C22orf31: variants seen among roughly 807,000 people sequenced by gnomAD.
The protein encoded by C22orf31 is chromosome 22 open reading frame 31, also known as uncharacterized protein C22orf31.
A neutral mutation model predicts 15.0 loss-of-function variants in C22orf31; 11 were observed. That is an observed-to-expected ratio of 0.73 (90% confidence interval 0.46 to 1.21). The LOEUF (loss-of-function observed/expected upper bound fraction) is 1.21. C22orf31 is among the 50% of genes most tolerant of loss of function. The probability of loss-of-function intolerance (pLI) is 0.00; values close to 1 mark genes in which losing one functional copy is unlikely to be tolerated. For missense variants in C22orf31, 340 were observed against 347.2 expected (o/e 0.98, Z 0.17); for synonymous variants, 132 against 133.3 (o/e 0.99, Z 0.07).
At chr22:29,065,862 T>C (rs1194535590), upstream of C22orf31, among the ~76,000 whole-genome samples, 1 of 152,226 alleles carries the variant, frequency 6.6e-6, no homozygotes, top group African/African-American at 2.4e-5. Flanking sequence ...CTTCCTTAGT[T>C]TGATTCTCCC....
intron 1 of C22orf31, among the ~76,000 whole-genome samples, chr22:29,061,372 T>C (rs976886568): frequency 2.6e-5 from 4 of 152,138 alleles, no homozygotes; most frequent in Admixed American, 1.3e-4. Flanking sequence ...GCTCAAGGGA[T>C]TCTTCTGCCT....
chr22:29,060,623 G>T lies in C22orf31; in HGVS notation c.224C>A (p.Ser75Tyr), dbSNP rs1198777083. ...CCGCCTGAGTACAAGCTTAACCAGG[G>T]AGAAGGAACTGGCAATTAATGGGTT... ...VRNPLIASSF[S>Y]LVKLVLRRQL... is the part of the protein sequence containing the mutation. Residue 75 changes from serine to tyrosine, a missense_variant, in exon 2 of 3, where the codon TCC becomes TAC. Ser to Tyr is a moderately radical substitution (Grantham distance 144). Transcript: ENST00000216071. 2 of 1,614,156 alleles carry T rather than the reference G, an allele frequency of 1.2e-6. No homozygotes were observed. Among genetic ancestry groups the T allele is most frequent in the Non-Finnish European group, 1.7e-6 (2 of 1,180,012 alleles).
upstream of C22orf31, among the ~76,000 whole-genome samples, chr22:29,063,310 C>T (rs997596905): frequency 3.9e-5 from 6 of 152,130 alleles, no homozygotes; most frequent in African/African-American, 1.2e-4. Flanking sequence ...GGATTACAGG[C>T]GCGGACCACC....
chr22:29,062,535 G>C (rs1387193456), upstream of C22orf31, among the ~76,000 whole-genome samples: 1 of 152,154 alleles, frequency 6.6e-6, no homozygotes, highest in Non-Finnish European at 1.5e-5. Context: ...ATGCCTCACT[G>C]CTTATCAGGT....
At chr22:29,060,331 A>G (rs1210578412) in intron 2 of C22orf31, 84 bp downstream of exon 2, 18 of 1,281,378 alleles carry the variant, frequency 1.4e-5, no homozygotes, top group Non-Finnish European at 1.9e-5. Context: ...CACGCCATAT[A>G]ATCTCAACCG....
At chr22:29,063,799 A>T (rs2037411874), upstream of C22orf31, among the ~76,000 whole-genome samples, 1 of 152,238 alleles carries the variant, frequency 6.6e-6, no homozygotes, top group African/African-American at 2.4e-5. Flanking sequence ...CTGAGGCACA[A>T]GTTGCTCAAG....
chr22:29,059,862 C>A (rs535630028), intron 2 of C22orf31: 1 of 985,098 alleles, frequency 1.0e-6, no homozygotes, highest in South Asian at 4.7e-5. Flanking sequence ...CTTATGAAAG[C>A]CACCTCATCC....
At chr22:29,064,197 T>G (rs1283063192), upstream of C22orf31, among the ~76,000 whole-genome samples, 2 of 152,188 alleles carry the variant, frequency 1.3e-5, no homozygotes, top group African/African-American at 2.4e-5. Flanking sequence ...ACACTCACAG[T>G]TATCACCGTG....
the C22orf31 span, among the ~76,000 whole-genome samples, chr22:29,067,314 T>C: frequency 2.6e-5 from 4 of 151,724 alleles, no homozygotes; most frequent in Non-Finnish European, 4.4e-5. Context: ...TCTTAAACTC[T>C]GTGCCTGAGG....
chr22:29,063,214 G>C (rs1179643483), upstream of C22orf31, among the ~76,000 whole-genome samples: 2 of 152,108 alleles, frequency 1.3e-5, no homozygotes, highest in Non-Finnish European at 2.9e-5. Flanking sequence ...CCCCAGGCTG[G>C]AGTGCAGTGG....
At chr22:29,060,877 A>G (rs373990861) in intron 1 of C22orf31, 34 bp from the exon 2 acceptor site, 3 of 1,558,292 alleles carry the variant, frequency 1.9e-6, no homozygotes, top group African/African-American at 2.7e-5. Flanking sequence ...TGAATTTTAA[A>G]AGGACCGTTC....
Position 29,060,413 on chromosome 22 carries a change from A to T in C22orf31, c.432+2T>A, listed in dbSNP as rs769092434. On this transcript the variant is annotated splice_donor_variant, in intron 2 of 2. Coordinates refer to ENST00000216071, the MANE Select transcript of C22orf31 (RefSeq NM_015370.2). LOFTEE classifies it high-confidence loss of function. Reference sequence around the variant, plus strand: ...TTTTCCCCACCACTGGTCCTCGTCTACCTCTCTGATGCCTCCTGCAGGCCT... The same window carrying T: ...TTTTCCCCACCACTGGTCCTCGTCTTCCTCTCTGATGCCTCCTGCAGGCCT... The T allele has an allele frequency of 6.2e-7, 1 of 1,607,798 alleles. No homozygotes were observed. The highest frequency in any genetic ancestry group is 8.5e-7 in the Non-Finnish European group (1 of 1,177,818).
At chr22:29,072,378 G>T in the C22orf31 span, among the ~76,000 whole-genome samples, 1 of 151,816 alleles carries the variant, frequency 6.6e-6, no homozygotes, top group African/African-American at 2.4e-5. Context: ...CTTCCGTCTC[G>T]GCCTCCCAAA....
At position 29,058,989 on chromosome 22, in the gene C22orf31, G is replaced by A. The variant is rs1270682416; in HGVS notation, c.626C>T (p.Pro209Leu). 1.2e-6 allele frequency: 2 copies of A among 1,614,022 alleles called. No individual in the cohort carries two copies. Among genetic ancestry groups the A allele is most frequent in the African/African-American group, 2.7e-5 (2 of 74,912 alleles). The change falls in exon 3 of 3, where the codon CCC (proline) becomes CTC (leucine). Residue 209 changes from proline to leucine, a missense_variant. Coordinates refer to ENST00000216071, the MANE Select transcript of C22orf31 (RefSeq NM_015370.2). ...GTACAGAGCCTGGTAACCCTCTGTG[G>A]GGAGACCATGGATGGTTAGCGTGTC... ...SEDTLTIHGLPTEGYQALYHA... is the reference protein window; with the variant it reads ...SEDTLTIHGLLTEGYQALYHA...
chr22:29,058,971 G>T lies in C22orf31; in HGVS notation c.644C>A (p.Ala215Asp). ...TGGCTCCACCACAGCGTGGTACAGA[G>T]CCTGGTAACCCTCTGTGGGGAGACC... The part of the protein sequence containing the change: ...IHGLPTEGYQ[A>D]LYHAVVEPML... The change falls in exon 3 of 3, where the codon GCT becomes GAT. Residue 215 changes from alanine (A) to aspartate (D), a missense_variant. Coordinates refer to ENST00000216071, the MANE Select transcript of C22orf31 (RefSeq NM_015370.2). 1 of 1,614,132 alleles carries T rather than the reference G, an allele frequency of 6.2e-7. No individual in the cohort carries two copies. The highest frequency in any genetic ancestry group is 8.5e-7 in the Non-Finnish European group (1 of 1,180,000).
chr22:29,062,281 A>T (rs1376942644), upstream of C22orf31, among the ~76,000 whole-genome samples: 3 of 152,078 alleles, frequency 2.0e-5, no homozygotes, highest in African/African-American at 7.2e-5. Context: ...GCCCTCCTTC[A>T]TGTACATAAA....
upstream of C22orf31, among the ~76,000 whole-genome samples, chr22:29,062,956 G>A (rs1483716229): frequency 6.6e-6 from 1 of 151,946 alleles, no homozygotes; most frequent in Non-Finnish European, 1.5e-5. Flanking sequence ...GGTCAGTCTT[G>A]GAAAAATGGC....
Position 29,058,765 on chromosome 22 carries a change from G to T in C22orf31, c.850C>A (p.Pro284Thr). The T allele has an allele frequency of 6.2e-7, 1 of 1,610,804 alleles. No homozygotes were observed. Among genetic ancestry groups the T allele is most frequent in the Non-Finnish European group, 8.5e-7 (1 of 1,178,904 alleles). ...TCCTATTTTTTGCTCTTTAACTTGGGCCATTTCTTGAGTACAGGCTCCTCG... is the reference window on the plus strand; with the variant it reads ...TCCTATTTTTTGCTCTTTAACTTGGTCCATTTCTTGAGTACAGGCTCCTCG... ...VHEEPVLKKW[P>T]KLKSKK The change falls in exon 3 of 3, where the codon CCC (proline) becomes ACC (threonine). Residue 284 changes from proline to threonine, a missense_variant. Physicochemically the swap from Pro to Thr is conservative, Grantham distance 38 (BLOSUM62 -1). Transcript: ENST00000216071.
At chr22:29,071,436 G>T in the C22orf31 span, among the ~76,000 whole-genome samples, 2 of 151,098 alleles carry the variant, frequency 1.3e-5, no homozygotes, top group African/African-American at 2.4e-5. Flanking sequence ...TCTGGGAGTG[G>T]ATAAGGGGGT....
Sources: gnomAD v4.1 joint callset for allele counts (sites outside exome capture counted in the v4.1 genomes callset) on GRCh38, gnomAD v4.1.1 for gene constraint, MANE v1.5 for transcripts, NCBI Gene and HGNC (gene_info 2026-07-23, HGNC 2026-07-21) for gene names.